Variants in RNF150 observed in about 807,000 individuals in gnomAD.
RNF150 encodes ring finger protein 150.
A neutral mutation model predicts 39.3 loss-of-function variants in RNF150; 24 were observed. The observed-to-expected ratio is 0.61, with a 90% CI of 0.44 to 0.86. The LOEUF is 0.86. Ranked by LOEUF, RNF150 falls within the 40% of genes least tolerant of loss-of-function variation. The probability of loss-of-function intolerance (pLI) is 0.00; values close to 1 mark genes in which losing one functional copy is unlikely to be tolerated. For missense variants in RNF150, 502 were observed against 587.8 expected, an observed-to-expected ratio of 0.85 and a Z score of 1.51; for synonymous variants, 255 against 227.3, an observed-to-expected ratio of 1.12 and a Z score of -1.10.
intron 4 of RNF150, among the ~76,000 whole-genome samples, chr4:140,938,525 T>C (rs145294552): frequency 2.0e-5 from 3 of 152,290 alleles, no homozygotes; most frequent in Non-Finnish European, 2.9e-5. Flanking sequence ...TTCCGTCCAA[T>C]GAGGATAAGG....
At chr4:141,133,885 G>T (rs1182225654), upstream of RNF150, among the ~76,000 whole-genome samples, 1 of 152,058 alleles carries the variant, frequency 6.6e-6, no homozygotes, top group Admixed American at 6.6e-5. Flanking sequence ...AACTCAGACC[G>T]ATGGGTCCTG....
At chr4:140,913,666 T>G (rs1445983502) in intron 5 of RNF150, among the ~76,000 whole-genome samples, 1 of 152,234 alleles carries the variant, frequency 6.6e-6, no homozygotes, top group Non-Finnish European at 1.5e-5. Flanking sequence ...CTATTGTTAA[T>G]GTGCTGATCT....
At chr4:141,187,628 T>C (rs1368801605) in intron 1 of RNF150, among the ~76,000 whole-genome samples, 16 of 152,226 alleles carry the variant, frequency 1.1e-4, no homozygotes, top group Admixed American at 1.0e-3. Context: ...TCTTTTTTGA[T>C]CTTTGTTGGT....
intron 6 of RNF150, among the ~76,000 whole-genome samples, chr4:140,895,447 A>G (rs1184128154): frequency 6.6e-6 from 1 of 152,196 alleles, no homozygotes; most frequent in Non-Finnish European, 1.5e-5. Context: ...ATTAGCCTAT[A>G]TACATTATAA....
chr4:141,120,799 C>A (rs1726582709), intron 1 of RNF150, among the ~76,000 whole-genome samples: 1 of 152,090 alleles, frequency 6.6e-6, no homozygotes. Flanking sequence ...ATGGCAAGAA[C>A]TTTAACTTGG....
chr4:141,092,628 T>C (rs1738629366), intron 1 of RNF150, among the ~76,000 whole-genome samples: 1 of 152,254 alleles, frequency 6.6e-6, no homozygotes, highest in Non-Finnish European at 1.5e-5. Flanking sequence ...TTCCACTTTA[T>C]AGACCAGAAA....
chr4:141,180,515 A>T (rs1373211305), intron 1 of RNF150, among the ~76,000 whole-genome samples: 2 of 152,116 alleles, frequency 1.3e-5, no homozygotes, highest in Non-Finnish European at 2.9e-5. Context: ...AATAGGTACA[A>T]AATGGTCTGC....
intron 1 of RNF150, among the ~76,000 whole-genome samples, chr4:141,163,805 C>T (rs180763141): frequency 2.8e-3 from 422 of 152,186 alleles, no homozygotes; most frequent in Admixed American, 6.0e-3. Context: ...CCAAAGGTCA[C>T]CAACATCAAA....
At chr4:140,936,005 T>C (rs1020682953) in intron 4 of RNF150, among the ~76,000 whole-genome samples, 4 of 152,240 alleles carry the variant, frequency 2.6e-5, no homozygotes, top group Non-Finnish European at 2.9e-5. Flanking sequence ...TAGTTTTCCC[T>C]GTTATTGAAT....
intron 1 of RNF150, among the ~76,000 whole-genome samples, chr4:141,114,700 T>C (rs1418786226): frequency 6.6e-6 from 1 of 152,074 alleles, no homozygotes; most frequent in African/African-American, 2.4e-5. Flanking sequence ...AAAAAGAAAA[T>C]TTCAGGCCAA....
At chr4:141,186,158 T>A (rs1728004970) in intron 1 of RNF150, among the ~76,000 whole-genome samples, 1 of 152,204 alleles carries the variant, frequency 6.6e-6, no homozygotes, top group Non-Finnish European at 1.5e-5. Flanking sequence ...ATCCATCTGG[T>A]CCTGGGCTTT....
chr4:141,051,032 T>G (rs1348816452), intron 1 of RNF150, among the ~76,000 whole-genome samples: 1 of 152,146 alleles, frequency 6.6e-6, no homozygotes, highest in Non-Finnish European at 1.5e-5. Flanking sequence ...AGGTGGAAGT[T>G]GCCAAATCCC....
chr4:140,984,370 A>C (rs1167890294), intron 1 of RNF150, among the ~76,000 whole-genome samples: 2 of 152,146 alleles, frequency 1.3e-5, no homozygotes, highest in Non-Finnish European at 2.9e-5. Flanking sequence ...TTTTAGACTA[A>C]TATGTAAGTG....
At chr4:140,945,007 A>G (rs1316528058) in intron 4 of RNF150, among the ~76,000 whole-genome samples, 1 of 152,232 alleles carries the variant, frequency 6.6e-6, no homozygotes. Flanking sequence ...AAAATGTATG[A>G]GCTATTCAGA....
chr4:140,911,592 A>G (rs1730608961), intron 5 of RNF150, among the ~76,000 whole-genome samples: 1 of 152,210 alleles, frequency 6.6e-6, no homozygotes, highest in Non-Finnish European at 1.5e-5. Context: ...TTAATCTTTT[A>G]GATTAAAAAT....
chr4:141,035,055 A>C (rs1736089263), intron 1 of RNF150, among the ~76,000 whole-genome samples: 1 of 152,218 alleles, frequency 6.6e-6, no homozygotes, highest in African/African-American at 2.4e-5. Context: ...ATAAAGCAAA[A>C]ATAGGTATAC....
intron 1 of RNF150, among the ~76,000 whole-genome samples, chr4:141,211,722 C>G (rs1578799191): frequency 2.6e-5 from 4 of 151,068 alleles, no homozygotes; most frequent in Admixed American, 2.6e-4. Context: ...ATCCAGATGG[C>G]CATACTGGAT....
At chr4:141,186,109 C>G (rs753186712) in intron 1 of RNF150, among the ~76,000 whole-genome samples, 1 of 152,216 alleles carries the variant, frequency 6.6e-6, no homozygotes, top group Non-Finnish European at 1.5e-5. Context: ...AGGAATGGTA[C>G]CAGCTCCTCT....
intron 1 of RNF150, among the ~76,000 whole-genome samples, chr4:141,096,321 T>C (rs4956346): frequency 0.37 from 55,139 of 150,656 alleles, 11,967 homozygotes; most frequent in Non-Finnish European, 0.48. Context: ...CTCAGGCTCC[T>C]GAGTAGCTAG....
Sources: gnomAD v4.1 joint callset for allele counts (sites outside exome capture counted in the v4.1 genomes callset) on GRCh38, gnomAD v4.1.1 for gene constraint, MANE v1.5 for transcripts, NCBI Gene and HGNC (gene_info 2026-07-23, HGNC 2026-07-21) for gene names.